PAM: variants seen among roughly 807,000 people sequenced by gnomAD.
The protein encoded by PAM is peptidylglycine alpha-amidating monooxygenase, also known as peptidyl-glycine alpha-amidating monooxygenase.
In PAM, 72 loss-of-function variants were observed where a neutral mutation model predicts 122.1. The ratio of observed to expected loss-of-function variants is 0.59; its 90% CI spans 0.49 to 0.72. The LOEUF (loss-of-function observed/expected upper bound fraction) is 0.72. Among genes scored for constraint, PAM ranks in the 30% least tolerant of loss-of-function variants. The pLI, the probability that PAM is intolerant of heterozygous loss-of-function variation, is 0.00. For synonymous variants in PAM, 389 were observed against 404.4 expected (o/e 0.96, Z 0.46); for missense variants, 1,106 against 1,183.7 (o/e 0.93, Z 0.96).
At chr5:102,928,946 T>C (rs1210878484) in intron 7 of PAM, among the ~76,000 whole-genome samples, 1 of 152,060 alleles carries the variant, frequency 6.6e-6, no homozygotes, top group Non-Finnish European at 1.5e-5. Context: ...AGGACATTGG[T>C]TAAATAAATG....
chr5:102,901,065 A>T (rs1300164008), intron 3 of PAM, among the ~76,000 whole-genome samples: 1 of 151,634 alleles, frequency 6.6e-6, no homozygotes, highest in African/African-American at 2.4e-5. Flanking sequence ...TACTCTTTTT[A>T]TAAAAGCATC....
At chr5:102,952,872 C>T (rs1759398968) in intron 12 of PAM, among the ~76,000 whole-genome samples, 1 of 152,064 alleles carries the variant, frequency 6.6e-6, no homozygotes, top group Non-Finnish European at 1.5e-5. Flanking sequence ...TTCCCATCTA[C>T]CTCCAACCCA....
chr5:102,792,480 A>G (rs1056180411), intron 1 of PAM, among the ~76,000 whole-genome samples: 2 of 152,186 alleles, frequency 1.3e-5, no homozygotes, highest in Non-Finnish European at 2.9e-5. Flanking sequence ...TTGCCAAGCA[A>G]TTGGCTGTTA....
intron 3 of PAM, among the ~76,000 whole-genome samples, chr5:102,896,591 G>C (rs1796289128): frequency 6.6e-6 from 1 of 151,622 alleles, no homozygotes; most frequent in Non-Finnish European, 1.5e-5. Flanking sequence ...GATAGGGGAT[G>C]GAACTAGTAT....
chr5:102,835,839 G>A (rs1439547185), intron 1 of PAM, among the ~76,000 whole-genome samples: 1 of 152,066 alleles, frequency 6.6e-6, no homozygotes, highest in East Asian at 1.9e-4. Context: ...ATGTTTCAGG[G>A]AAAGGAGGGA....
intron 1 of PAM, among the ~76,000 whole-genome samples, chr5:102,841,526 A>G (rs1778634383): frequency 6.6e-6 from 1 of 152,158 alleles, no homozygotes; most frequent in Non-Finnish European, 1.5e-5. Flanking sequence ...ATTCATAAAG[A>G]CTTAAAGACA....
In PAM at chr5:102,974,387, A is replaced by G. The variant is rs1766917759; in HGVS notation, c.1434A>G (p.Leu478=). 6.2e-7 allele frequency: 1 copy of G among 1,614,024 alleles called. No homozygotes were observed. The change falls in exon 15 of 26, where the codon TTA becomes TTG. Residue 478 remains leucine, a synonymous_variant. Transcript: ENST00000438793. ...CACCAGAGAGCAGAGTTTTCTCATT[A>G]CAGCAGCCCCCACCTGGTGAAGGCA... ...LRPPESRVFS[L]QQPPPGEGTW...
chr5:103,002,151 G>A (rs1353630638), intron 16 of PAM, among the ~76,000 whole-genome samples: 1 of 151,978 alleles, frequency 6.6e-6, no homozygotes, highest in Non-Finnish European at 1.5e-5. Context: ...GATTAGAAGA[G>A]CTTATCTTTG....
intron 17 of PAM, among the ~76,000 whole-genome samples, 193 bp from the exon 18 acceptor site, chr5:103,004,961 T>G (rs1778517516): frequency 6.6e-6 from 1 of 152,206 alleles, no homozygotes; most frequent in South Asian, 2.1e-4. Flanking sequence ...AAATACTACC[T>G]AAGGTTTGTC....
chr5:103,024,330 C>G (rs1475732375), intron 23 of PAM, among the ~76,000 whole-genome samples: 1 of 152,088 alleles, frequency 6.6e-6, no homozygotes, highest in East Asian at 1.9e-4. Flanking sequence ...ATCAATTTCC[C>G]AAACAGTACT....
chr5:102,795,549 T>G (rs1184758904), intron 1 of PAM, among the ~76,000 whole-genome samples: 1 of 152,226 alleles, frequency 6.6e-6, no homozygotes, highest in Non-Finnish European at 1.5e-5. Context: ...TTTCCTTGTT[T>G]ATTAACTAAA....
intron 17 of PAM, 121 bp downstream of exon 17, chr5:103,003,270 T>C: frequency 1.8e-6 from 1 of 549,234 alleles, no homozygotes; most frequent in Non-Finnish European, 3.3e-6. Flanking sequence ...GAAAACTAAC[T>C]GGGCCATCCC....
At position 102,926,548 on chromosome 5, in the gene PAM, T is replaced by C. The variant is rs772390947; in HGVS notation, c.443-37T>C. On this transcript the variant is annotated intron_variant, in intron 6 of 25. Coordinates refer to ENST00000438793, the MANE Select transcript of PAM (RefSeq NM_001177306.2). The stretch of plus-strand genomic sequence containing the variant: ...TTGAGATTAACTCCATTTTAGATGC[T>C]CATTTCTAATATATTAACTTTTTTG... 2.6e-6 allele frequency: 3 copies of C among 1,153,354 alleles called. No individual in the cohort carries two copies. The East Asian group carries it at 7.0e-5, about 27-fold the overall frequency. 71.4% of individuals were successfully genotyped at this position (1,153,354 alleles called of 1,614,324 possible).
chr5:102,755,117 C>T (rs1212173424), upstream of PAM: 1 of 152,360 alleles, frequency 6.6e-6, no homozygotes, highest in African/African-American at 2.4e-5. Context: ...CGGGGCTGGC[C>T]CGGGAGCCGC....
At chr5:102,932,352 G>A (rs115763503) in intron 7 of PAM, among the ~76,000 whole-genome samples, 3,239 of 152,024 alleles carry the variant, frequency 0.021, 120 homozygotes, top group African/African-American at 0.075. Context: ...GCCAGCTGTC[G>A]TGGTGTGTGC....
intron 4 of PAM, among the ~76,000 whole-genome samples, chr5:102,902,468 ATGT>A (rs1437473070): frequency 6.6e-6 from 1 of 151,614 alleles, no homozygotes; most frequent in Non-Finnish European, 1.5e-5. Context: ...AACATTGATG[ATGT>A]TGTTTTGTAT....
chr5:102,972,457 T>C (rs2150413556), intron 14 of PAM, among the ~76,000 whole-genome samples: 2 of 152,164 alleles, frequency 1.3e-5, no homozygotes, highest in Non-Finnish European at 2.9e-5. Flanking sequence ...AATTTTTTTA[T>C]TTCTTAGAGA....
chr5:102,803,181 GGAAGGAAGGAAGGAAGGAAGGAAGGAAA>G (rs1173488275), intron 1 of PAM, among the ~76,000 whole-genome samples: 2,286 of 23,772 alleles, frequency 0.096, 53 homozygotes, highest in Non-Finnish European at 0.15. Context: ...AAGGAAGGAA[GGAAGGAAGGAAGGAAGGAAGGAAGGAAA>G]GAAGGAAGGA....
At chr5:102,997,886 T>A (rs1377179413) in intron 16 of PAM, among the ~76,000 whole-genome samples, 2 of 152,220 alleles carry the variant, frequency 1.3e-5, no homozygotes, top group East Asian at 3.9e-4. Context: ...ACTGCAACAT[T>A]TCCATTTGAC....
Sources: gnomAD v4.1 joint callset for allele counts (sites outside exome capture counted in the v4.1 genomes callset) on GRCh38, gnomAD v4.1.1 for gene constraint, MANE v1.5 for transcripts, NCBI Gene and HGNC (gene_info 2026-07-23, HGNC 2026-07-21) for gene names.